Variants in SLMAP observed in about 807,000 individuals in gnomAD.
The protein encoded by SLMAP is sarcolemmal membrane-associated protein.
A neutral mutation model predicts 128.8 loss-of-function variants in SLMAP; 44 were observed. That is an observed-to-expected ratio of 0.34 (90% CI 0.27 to 0.44). The LOEUF (loss-of-function observed/expected upper bound fraction) is 0.44. SLMAP is among the 20% of genes least tolerant of loss of function. The probability of loss-of-function intolerance (pLI) is 1.00; values close to 1 mark genes in which losing one functional copy is unlikely to be tolerated. For missense variants in SLMAP, 787 were observed against 985.3 expected (o/e 0.80, Z 2.69); for synonymous variants, 327 against 348.8 (o/e 0.94, Z 0.70).
chr3:57,761,469 A>G (rs1273162815), intron 2 of SLMAP, among the ~76,000 whole-genome samples: 1 of 150,250 alleles, frequency 6.7e-6, no homozygotes, highest in Non-Finnish European at 1.5e-5. Context: ...TAATTTTTGT[A>G]TTTTTAGTGG....
At chr3:57,921,491 C>A (rs2096917454) in intron 22 of SLMAP, among the ~76,000 whole-genome samples, 1 of 151,820 alleles carries the variant, frequency 6.6e-6, no homozygotes, top group African/African-American at 2.4e-5. Flanking sequence ...CCAGATGTGG[C>A]AGCAGGTGCC....
chr3:57,906,525 C>T (rs1245168725), intron 17 of SLMAP, among the ~76,000 whole-genome samples: 1 of 148,646 alleles, frequency 6.7e-6, no homozygotes, highest in Non-Finnish European at 1.5e-5. Context: ...ACATGTTGCC[C>T]AGGCTGGTCT....
chr3:57,783,331 G>A (rs1020749779), intron 2 of SLMAP, among the ~76,000 whole-genome samples: 1 of 152,206 alleles, frequency 6.6e-6, no homozygotes, highest in Middle Eastern at 3.2e-3. Context: ...GCTCTCAGAT[G>A]GAAGAGAGAA....
chr3:57,842,323 A>C (rs1272804557), intron 4 of SLMAP, among the ~76,000 whole-genome samples: 1 of 152,158 alleles, frequency 6.6e-6, no homozygotes, highest in Admixed American at 6.5e-5. Flanking sequence ...CATAGGTTTT[A>C]AAACATTTTA....
intron 15 of SLMAP, among the ~76,000 whole-genome samples, chr3:57,892,915 G>T (rs891945658): frequency 6.8e-6 from 1 of 146,272 alleles, no homozygotes; most frequent in Admixed American, 7.1e-5. Flanking sequence ...CTCACTGCAA[G>T]CTCTGCCTCC....
At chr3:57,859,719 G>A (rs1416609152) in intron 8 of SLMAP, among the ~76,000 whole-genome samples, 39 of 152,152 alleles carry the variant, frequency 2.6e-4, no homozygotes, top group Non-Finnish European at 1.5e-5. Context: ...TTGGGAAAGT[G>A]AGAGGGGAGT....
intron 2 of SLMAP, among the ~76,000 whole-genome samples, chr3:57,802,098 A>T (rs1319096006): frequency 6.6e-6 from 1 of 152,150 alleles, no homozygotes; most frequent in African/African-American, 2.4e-5. Context: ...AAATTCACCT[A>T]TTATAAATGT....
At chr3:57,925,274 A>G (rs370060367) in intron 23 of SLMAP, among the ~76,000 whole-genome samples, 30 of 149,408 alleles carry the variant, frequency 2.0e-4, no homozygotes, top group African/African-American at 6.9e-4. Flanking sequence ...TTCATGTGCT[A>G]TATTTCATTA....
Position 57,878,318 on chromosome 3 carries a change from A to T in SLMAP, c.1300+6620A>T, listed in dbSNP as rs141868408. Among the ~76,000 whole-genome samples, 3 of 152,168 alleles carry T rather than the reference A, an allele frequency of 2.0e-5. No homozygotes were observed. In the East Asian group the frequency reaches 5.8e-4, roughly 29 times the overall value. On this transcript the variant is annotated intron_variant, in intron 14 of 24. Coordinates refer to ENST00000671191, the MANE Select transcript of SLMAP (RefSeq NM_001377540.1). ...CACAGAGCCTCTCCTATGAGGTTCT[A>T]TGTCTCTATTTCTGTTTTGTTAATT...
intron 19 of SLMAP, among the ~76,000 whole-genome samples, chr3:57,909,388 G>A (rs1245371159): frequency 6.6e-6 from 1 of 151,690 alleles, no homozygotes; most frequent in African/African-American, 2.4e-5. Context: ...TGTAATCCCA[G>A]CTTCTCGGGA....
rs199677689 is a variant in SLMAP, at chr3:57,849,734, A to C, written c.457-20A>C. 23 of 1,406,900 alleles carry C rather than the reference A, an allele frequency of 1.6e-5. No homozygotes were observed. The highest frequency in any genetic ancestry group is 2.3e-5 in the Non-Finnish European group (23 of 991,802). The allele number at this position is 1,406,900 out of a possible 1,614,324, so 87.2% of individuals were successfully genotyped here. On this transcript the variant is annotated intron_variant, in intron 5 of 24. Coordinates refer to ENST00000671191, the MANE Select transcript of SLMAP (RefSeq NM_001377540.1). ...TCTTTATGAAGTGTTTTCTGTTGAT[A>C]CTGTGTCATTTGTTTCTAGGTTGCT...
rs899480072 is a variant in SLMAP at position 57,924,459 on chromosome 3, C to T, written c.2446-1386C>T. Among the ~76,000 whole-genome samples the T allele has an allele frequency of 2.0e-5, 3 of 151,590 alleles. No individual in the cohort carries two copies. In the East Asian group the frequency reaches 5.9e-4, roughly 30 times the overall value. On this transcript the variant is annotated intron_variant, in intron 23 of 24. Transcript: ENST00000671191. Reference sequence around the variant, plus strand: ...TCTCAGCTCACCGCAACATCCACCTCCCGGGTTCAAGCAGTTCTCCTGCCT... The same window carrying T: ...TCTCAGCTCACCGCAACATCCACCTTCCGGGTTCAAGCAGTTCTCCTGCCT...
At chr3:57,892,772 C>T (rs1057193853) in intron 15 of SLMAP, among the ~76,000 whole-genome samples, 3 of 150,300 alleles carry the variant, frequency 2.0e-5, no homozygotes, top group Non-Finnish European at 4.4e-5. Context: ...TAACAAGACA[C>T]TGTCTCTTAA....
intron 3 of SLMAP, 102 bp downstream of exon 3, chr3:57,831,632 G>T: frequency 1.3e-6 from 1 of 784,376 alleles, no homozygotes; most frequent in Non-Finnish European, 1.9e-6. Flanking sequence ...TTGTGAAAGC[G>T]ATTTAAATAC....
chr3:57,757,520 C>G lies in SLMAP; in HGVS notation c.-132C>G. 1 of 773,516 alleles carries G rather than the reference C, an allele frequency of 1.3e-6. No homozygotes were observed. The highest frequency in any genetic ancestry group is 2.1e-6 in the Non-Finnish European group (1 of 465,468). The allele number at this position is 773,516 out of a possible 1,614,324, so 47.9% of individuals were successfully genotyped here. A position where few individuals can be genotyped will look rare whatever the true frequency, so the allele number is the denominator to read the frequency against. ...GAAGAGTTGATGTTCACTGGTTATG[C>G]TTAGACAATGTGCAGTTTGTGTTAA... On this transcript the variant is annotated 5_prime_UTR_variant, in exon 2 of 25. Transcript: ENST00000671191.
intron 2 of SLMAP, among the ~76,000 whole-genome samples, chr3:57,812,777 C>G (rs1056355078): frequency 6.6e-6 from 1 of 151,676 alleles, no homozygotes; most frequent in African/African-American, 2.4e-5. Context: ...ACCTCTTTGG[C>G]TAAGTTAATT....
rs148779436 is a variant in SLMAP at position 57,761,458 on chromosome 3, C to G, written c.198+3609C>G. Among the ~76,000 whole-genome samples, 1,324 of 151,582 alleles carry G rather than the reference C, an allele frequency of 8.7e-3. 14 individuals carry two copies. Among genetic ancestry groups the G allele is most frequent in the South Asian group, 0.051 (245 of 4,784 alleles). On this transcript the variant is annotated intron_variant, in intron 2 of 24. Coordinates refer to ENST00000671191, the MANE Select transcript of SLMAP (RefSeq NM_001377540.1). ...TACAGGCATTCATCACCATGCCTGG[C>G]TAATTTTTGTATTTTTAGTGGAGAC...
At chr3:57,912,207 T>G in intron 19 of SLMAP, 174 bp from the exon 20 acceptor site, 1 of 535,640 alleles carries the variant, frequency 1.9e-6, no homozygotes, top group East Asian at 2.9e-5. Flanking sequence ...ACTTTGGTTT[T>G]TTTTTCCTCT....
intron 2 of SLMAP, among the ~76,000 whole-genome samples, chr3:57,776,823 C>A (rs913306402): frequency 6.6e-6 from 1 of 151,944 alleles, no homozygotes; most frequent in Non-Finnish European, 1.5e-5. Flanking sequence ...CTGTGCCTGG[C>A]CTGATTTGTT....
Sources: allele counts gnomAD v4.1 joint callset (sites outside exome capture counted in the v4.1 genomes callset), GRCh38; gene constraint gnomAD v4.1.1; transcripts MANE v1.5; gene names NCBI Gene and HGNC (gene_info 2026-07-23, HGNC 2026-07-21).